The following POLE variants were observed in gnomAD, a reference collection of about 807,000 sequenced individuals.
POLE encodes the protein DNA polymerase epsilon, catalytic subunit.
POLE carries 188 observed loss-of-function variants against 279.2 expected under a neutral mutation model. The ratio of observed to expected loss-of-function variants is 0.67; its 90% confidence interval spans 0.60 to 0.76. POLE has a LOEUF of 0.76. POLE is among the 30% of genes least tolerant of loss of function. The pLI is 0.00. For synonymous variants in POLE, 1,214 were observed against 1,172.5 expected (o/e 1.04, Z -0.72); for missense variants, 2,703 against 3,016.7 (o/e 0.90, Z 2.44).
Position 132,646,376 on chromosome 12 carries a change from C to G in POLE, c.4150-2399G>C, listed in dbSNP as rs576240369. 6.8e-4 allele frequency among the ~76,000 whole-genome samples: 103 copies of G among 152,222 alleles called. No homozygotes were observed. In the Middle Eastern group the frequency reaches 0.024, roughly 35 times the overall value. ...ATGTGTCCAAAAACCCAATCAACTG[C>G]ACATTTAAAAATCTGCACTTAACTA... On this transcript the variant is annotated intron_variant, in intron 32 of 48. Transcript: ENST00000320574.
chr12:132,668,208 A>G lies in POLE; in HGVS notation c.2173+148T>C. On this transcript the variant is annotated intron_variant, in intron 19 of 48. Transcript: ENST00000320574. This position sits in a 1 kb window ranked among gnomAD's most constrained non-coding sequence, Gnocchi z 4.0. ...AAATAAAGGACCCTGCAGTGAGAGC[A>G]CAGCTTACAGTGACCTAGAGCAGCT... 1 of 826,366 alleles carries G rather than the reference A, an allele frequency of 1.2e-6. No individual in the cohort carries two copies. The highest frequency in any genetic ancestry group is 2.4e-5 in the South Asian group (1 of 42,194). 51.2% of individuals were successfully genotyped at this position (826,366 alleles called of 1,614,324 possible).
intron 47 of POLE, 132 bp downstream of exon 47, chr12:132,625,513 G>A: frequency 1.8e-6 from 2 of 1,124,608 alleles, no homozygotes; most frequent in East Asian, 2.4e-5. Flanking sequence ...GGCATGGACT[G>A]GTCTGCAGGG....
chr12:132,649,341 G>T lies in POLE; in HGVS notation c.3970C>A (p.Arg1324Ser), dbSNP rs779464847. The T allele has an allele frequency of 6.2e-7, 1 of 1,613,604 alleles. No homozygotes were observed. Among genetic ancestry groups the T allele is most frequent in the Non-Finnish European group, 8.5e-7 (1 of 1,180,024 alleles). The change falls in exon 31 of 49, where the codon CGC becomes AGC. Residue 1324 changes from arginine to serine, a missense_variant. Arg to Ser is a moderately radical substitution (Grantham distance 110). Around this residue, in one of 5 missense-constraint regions of POLE, gnomAD observed 1,551 missense variants for 1,686.1 expected, o/e 0.92. Coordinates refer to ENST00000320574, the MANE Select transcript of POLE (RefSeq NM_006231.4). ...TGCCACGGAAGGTCCAGGATGCTGCGGGCAGTTCTTCGCAAGAAGCTCCCC... is the reference window on the plus strand; with the variant it reads ...TGCCACGGAAGGTCCAGGATGCTGCTGGCAGTTCTTCGCAAGAAGCTCCCC... Reference protein sequence around the residue: ...GLGSFLRRTARSILDLPWQIV... With the variant: ...GLGSFLRRTASSILDLPWQIV...
At chr12:132,649,938 G>A in intron 29 of POLE, 49 bp from the exon 30 acceptor site, 1 of 1,551,126 alleles carries the variant, frequency 6.4e-7, no homozygotes, top group South Asian at 1.1e-5. Flanking sequence ...GGGCTGCGCA[G>A]GGTGGCTCAT....
chr12:132,665,556 A>G lies in POLE; in HGVS notation c.2320-106T>C, dbSNP rs924965276. ...ATTTTGAAAATTTTCAAATCTATAG[A>G]AAACCTAAAAAACCAGTACAATGAA... On this transcript the variant is annotated intron_variant, in intron 20 of 48. Coordinates refer to ENST00000320574, the MANE Select transcript of POLE (RefSeq NM_006231.4). 12 of 1,230,444 alleles carry G rather than the reference A, an allele frequency of 9.8e-6. No homozygotes were observed. The African/African-American group carries it at 1.6e-4, about 17-fold the overall frequency. 76.2% of individuals were successfully genotyped at this position (1,230,444 alleles called of 1,614,324 possible). A position where few individuals can be genotyped will look rare whatever the true frequency, so the allele number is the denominator to read the frequency against.
intron 8 of POLE, among the ~76,000 whole-genome samples, 168 bp from the exon 9 acceptor site, chr12:132,676,821 G>A (rs1000898324): frequency 2.0e-5 from 3 of 152,012 alleles, no homozygotes; most frequent in African/African-American, 7.3e-5. Context: ...AGAGTATCAC[G>A]ACTCCCTATG....
intron 29 of POLE, among the ~76,000 whole-genome samples, chr12:132,653,602 G>T (rs1427164801): frequency 6.6e-6 from 1 of 152,172 alleles, no homozygotes; most frequent in Non-Finnish European, 1.5e-5. Context: ...TACATTTTCT[G>T]TTAACAAATT....
rs1422424374 is a variant in POLE, at chr12:132,626,114, C to T, written c.6531+3G>A. 6.3e-7 allele frequency: 1 copy of T among 1,591,162 alleles called. No homozygotes were observed. Among genetic ancestry groups the T allele is most frequent in the Non-Finnish European group, 8.6e-7 (1 of 1,169,274 alleles). ...TGAAGGGCCCGCTGGAGCTCAGCCGCACCTCTGAGAAGGAAGAGTCTTTAC... is the reference window on the plus strand; with the variant it reads ...TGAAGGGCCCGCTGGAGCTCAGCCGTACCTCTGAGAAGGAAGAGTCTTTAC... On this transcript the variant is annotated splice_donor_region_variant and intron_variant, in intron 46 of 48. Transcript: ENST00000320574.
At chr12:132,670,624 G>A (rs2042905501) in intron 16 of POLE, among the ~76,000 whole-genome samples, 1 of 151,252 alleles carries the variant, frequency 6.6e-6, no homozygotes, top group Admixed American at 6.6e-5. Flanking sequence ...CCGAGTAGCT[G>A]GGACTACAGG....
chr12:132,630,097 A>G (rs115796932), intron 45 of POLE, among the ~76,000 whole-genome samples: 2,169 of 152,306 alleles, frequency 0.014, 59 homozygotes, highest in African/African-American at 0.048. Flanking sequence ...CGCACGGTTC[A>G]TGGCGCCCCA....
rs878854849 is a variant in POLE at position 132,668,351 on chromosome 12, C to T, written c.2173+5G>A. ...TTACAGCCGTGACCATGCCCAGGCA[C>T]TCACCCGCCAGCCTTCTCTTCTCGT... On this transcript the variant is annotated splice_donor_5th_base_variant and intron_variant, in intron 19 of 48. Coordinates refer to ENST00000320574, the MANE Select transcript of POLE (RefSeq NM_006231.4). This position sits in a 1 kb window ranked among gnomAD's most constrained non-coding sequence, Gnocchi z 4.0. The T allele has an allele frequency of 2.6e-6, 4 of 1,562,810 alleles. No homozygotes were observed. Among genetic ancestry groups the T allele is most frequent in the Non-Finnish European group, 2.6e-6 (3 of 1,152,844 alleles).
chr12:132,659,175 A>G, intron 26 of POLE, 120 bp downstream of exon 26: 1 of 1,025,838 alleles, frequency 9.7e-7, no homozygotes, highest in East Asian at 2.6e-5. Flanking sequence ...CCTCTCCGTG[A>G]CAGGGCAGCC....
At position 132,675,323 on chromosome 12, in the gene POLE, A is replaced by G; in HGVS notation, c.1226+75T>C. 6.4e-7 allele frequency: 1 copy of G among 1,558,628 alleles called. No individual in the cohort carries two copies. Among genetic ancestry groups the G allele is most frequent in the Non-Finnish European group, 8.7e-7 (1 of 1,149,780 alleles). ...CCCTCCTCCCATGAGATGTGGTGAC[A>G]GCACAGTCTGCAAGAGGCCTTCAGA... On this transcript the variant is annotated intron_variant, in intron 12 of 48. Coordinates refer to ENST00000320574, the MANE Select transcript of POLE (RefSeq NM_006231.4). This position sits in a 1 kb window ranked among gnomAD's most constrained non-coding sequence, Gnocchi z 4.3.
At chr12:132,674,206 C>T (rs2136003222) in intron 12 of POLE, among the ~76,000 whole-genome samples, 1 of 152,020 alleles carries the variant, frequency 6.6e-6, no homozygotes, top group South Asian at 2.1e-4. Flanking sequence ...AAAGAAGGCC[C>T]CCCACACTCT....
rs529927099 is a variant in POLE, at chr12:132,661,064, C to A, written c.2965G>T (p.Val989Leu). The A allele has an allele frequency of 1.2e-6, 2 of 1,614,064 alleles. No homozygotes were observed. The highest frequency in any genetic ancestry group is 1.3e-5 in the African/African-American group (1 of 75,006). The change falls in exon 25 of 49, where the codon GTG becomes TTG. Residue 989 changes from valine (V) to leucine (L), a missense_variant. By Grantham distance (32) the Val-to-Leu change is conservative. This residue lies in a region of POLE where 19 missense variants were observed against 51.5 expected (regional missense o/e 0.37). Transcript: ENST00000320574. The surrounding 1 kb of genome is among the most constrained non-coding windows in gnomAD (Gnocchi z 4.1). The stretch of plus-strand genomic sequence containing the variant: ...CTGCCCTTGAGGAAGGCCTCAAACA[C>A]CGAGGATTGGAAGATCTTAATCAGC... ...LQLIKIFQSS[V>L]FEAFLKGSTL...
rs376095661 is a variant in POLE at position 132,673,595 on chromosome 12, T to A, written c.1339A>T (p.Met447Leu). Reference sequence around the variant, plus strand: ...CGTGCCTGGGGCTGCTCCGTGGCCATCCGGCACATGTCCTCCGGGTCTAGC... The same window carrying A: ...CGTGCCTGGGGCTGCTCCGTGGCCAACCGGCACATGTCCTCCGGGTCTAGC... ...VELDPEDMCR[M>L]ATEQPQTLAT... Residue 447 changes from methionine (M) to leucine (L), a missense_variant, in exon 13 of 49, where the codon ATG becomes TTG. By Grantham distance (15) the Met-to-Leu change is conservative (BLOSUM62 2). Coordinates refer to ENST00000320574, the MANE Select transcript of POLE (RefSeq NM_006231.4). 6.2e-7 allele frequency: 1 copy of A among 1,613,192 alleles called. No individual in the cohort carries two copies. The highest frequency in any genetic ancestry group is 8.5e-7 in the Non-Finnish European group (1 of 1,179,978).
intron 30 of POLE, 47 bp downstream of exon 30, chr12:132,649,630 T>C (rs775177141): frequency 2.5e-6 from 4 of 1,608,596 alleles, no homozygotes; most frequent in Non-Finnish European, 3.4e-6. Flanking sequence ...CTCCCTGGGC[T>C]GTGCAGACCC....
chr12:132,686,971 T>C (rs1488756731), intron 1 of POLE, among the ~76,000 whole-genome samples: 5 of 147,746 alleles, frequency 3.4e-5, no homozygotes, highest in African/African-American at 1.3e-4. Context: ...CAAACGCAGC[T>C]GCGCGGAAGG....
intron 44 of POLE, 30 bp from the exon 45 acceptor site, chr12:132,632,538 T>A: frequency 1.2e-6 from 2 of 1,610,320 alleles, no homozygotes; most frequent in Non-Finnish European, 1.7e-6. Flanking sequence ...GAGGGAGGGG[T>A]CTGGGACCTG....
Sources: gnomAD v4.1 joint callset for allele counts (sites outside exome capture counted in the v4.1 genomes callset) on GRCh38, gnomAD v4.1.1 for gene constraint, gnomAD v4.1.1 regional missense constraint, Gnocchi (gnomAD v3.1) non-coding constraint, MANE v1.5 for transcripts, NCBI Gene and HGNC (gene_info 2026-07-23, HGNC 2026-07-21) for gene names.